Variants in ISY1 observed in about 807,000 individuals in gnomAD.
The protein encoded by ISY1 is pre-mRNA-splicing factor ISY1 homolog.
In ISY1, 12 loss-of-function variants were observed where a neutral mutation model predicts 54.4. The observed-to-expected ratio is 0.22, with a 90% CI of 0.14 to 0.36. The LOEUF (loss-of-function observed/expected upper bound fraction) is 0.36, where lower values mean the gene tolerates loss of function less well. Among genes scored for constraint, ISY1 ranks in the 10% least tolerant of loss-of-function variants. The pLI, the probability that ISY1 is intolerant of heterozygous loss-of-function variation, is 1.00. For missense variants in ISY1, 282 were observed against 342.2 expected (o/e 0.82, Z 1.39); for synonymous variants, 96 against 117.9 (o/e 0.81, Z 1.20).
At chr3:129,154,606 A>G (rs1243484691) in intron 5 of ISY1, among the ~76,000 whole-genome samples, 2 of 151,868 alleles carry the variant, frequency 1.3e-5, no homozygotes, top group African/African-American at 4.8e-5. Flanking sequence ...TTCTATAGTA[A>G]TATTCCCAAT....
chr3:129,138,349 A>G (rs562245887), intron 7 of ISY1, among the ~76,000 whole-genome samples: 120 of 151,624 alleles, frequency 7.9e-4, no homozygotes, highest in Non-Finnish European at 1.0e-4. Flanking sequence ...AAAAATACAA[A>G]TTAGTACTGG....
At chr3:129,130,696 C>T in intron 9 of ISY1, 60 bp from the exon 10 acceptor site, 2 of 1,573,774 alleles carry the variant, frequency 1.3e-6, no homozygotes, top group South Asian at 1.1e-5. Flanking sequence ...ATGCTGGCAA[C>T]TCTATAAAAC....
intron 1 of ISY1, 144 bp downstream of exon 1, chr3:129,160,829 G>A: frequency 9.5e-7 from 1 of 1,057,792 alleles, no homozygotes; most frequent in Middle Eastern, 3.0e-4. Context: ...GAGGCAGGAA[G>A]AGAATCCCCT....
intron 5 of ISY1, among the ~76,000 whole-genome samples, chr3:129,156,013 G>GC: frequency 1.3e-5 from 2 of 152,110 alleles, no homozygotes; most frequent in East Asian, 3.9e-4. Flanking sequence ...GAGCTACTGC[G>GC]CCCGGCCTCA....
intron 7 of ISY1, 104 bp from the exon 8 acceptor site, chr3:129,135,058 G>A: frequency 1.4e-6 from 2 of 1,406,010 alleles, no homozygotes; most frequent in Non-Finnish European, 1.9e-6. Context: ...GTATGTTCAT[G>A]AAAATACCAG....
rs1444577489 is a variant in ISY1 at position 129,149,576 on chromosome 3, G to A, written c.188-3703C>T. Among the ~76,000 whole-genome samples, 5 of 84,698 alleles carry A rather than the reference G, an allele frequency of 5.9e-5. No individual in the cohort carries two copies. In the East Asian group the frequency reaches 1.1e-3, roughly 19 times the overall value. 55.6% of individuals were successfully genotyped at this position (84,698 alleles called of 152,430 possible). A position where few individuals can be genotyped will look rare whatever the true frequency, so the allele number is the denominator to read the frequency against. ...ATCCTGGCTAACACAGTGAAACCCCGTCTCTACTAAAAAAAAAAAAAAAAA... is the reference window on the plus strand; with the variant it reads ...ATCCTGGCTAACACAGTGAAACCCCATCTCTACTAAAAAAAAAAAAAAAAA... On this transcript the variant is annotated intron_variant, in intron 5 of 10. Coordinates refer to ENST00000393295, the MANE Select transcript of ISY1 (RefSeq NM_020701.4).
intron 6 of ISY1, among the ~76,000 whole-genome samples, chr3:129,141,932 C>A (rs563838784): frequency 1.3e-5 from 2 of 151,818 alleles, no homozygotes; most frequent in Non-Finnish European, 2.9e-5. Flanking sequence ...TTGCTGGGTG[C>A]GGTGGCTCAC....
rs1013068131 is a variant in ISY1, at chr3:129,161,006, C to A, written c.-31G>T. 18 of 1,539,192 alleles carry A rather than the reference C, an allele frequency of 1.2e-5. No homozygotes were observed. In the Admixed American group the frequency reaches 1.2e-4, roughly 10 times the overall value. ...CGCTAAGGGCGCCGTCCTGGAGCCC[C>A]GCGGCCCCTGTCCAAGAAACTCCAC... On this transcript the variant is annotated 5_prime_UTR_variant, in exon 1 of 11. Transcript: ENST00000393295.
rs1455128861 is a variant in ISY1, at chr3:129,130,179, C to T, written c.760G>A (p.Ala254Thr). The T allele has an allele frequency of 1.2e-6, 2 of 1,607,206 alleles. No homozygotes were observed. Among genetic ancestry groups the T allele is most frequent in the South Asian group, 1.1e-5 (1 of 90,050 alleles). Residue 254 changes from alanine to threonine, a missense_variant, in exon 11 of 11, where the codon GCA (alanine) becomes ACA (threonine). Around this residue, in one of 2 missense-constraint regions of ISY1, gnomAD observed 279 missense variants for 323.6 expected, o/e 0.86. Coordinates refer to ENST00000393295, the MANE Select transcript of ISY1 (RefSeq NM_020701.4). ...TCCATTTTCTTCCTTCGCACCAGTGCCTCCTCAATCTGTGGAAATTAAGAG... is the reference window on the plus strand; with the variant it reads ...TCCATTTTCTTCCTTCGCACCAGTGTCTCCTCAATCTGTGGAAATTAAGAG... Reference protein sequence around the residue: ...PVPSQQEIEEALVRRKKMELL... With the variant: ...PVPSQQEIEETLVRRKKMELL...
Position 129,130,018 on chromosome 3 carries a change from A to T in ISY1, c.*63T>A. 1 of 1,308,804 alleles carries T rather than the reference A, an allele frequency of 7.6e-7. No homozygotes were observed. Among genetic ancestry groups the T allele is most frequent in the Non-Finnish European group, 1.0e-6 (1 of 954,616 alleles). 81.1% of individuals were successfully genotyped at this position (1,308,804 alleles called of 1,614,324 possible). A position where few individuals can be genotyped will look rare whatever the true frequency, so the allele number is the denominator to read the frequency against. On this transcript the variant is annotated 3_prime_UTR_variant, in exon 11 of 11. Transcript: ENST00000393295. ...CCTTGCAGCACCAGCCTGTGTCTGC[A>T]GCCCTGGGTCCTGAGGTACCACTGG...
At chr3:129,146,492 G>A (rs905549605) in intron 5 of ISY1, among the ~76,000 whole-genome samples, 75 of 152,182 alleles carry the variant, frequency 4.9e-4, no homozygotes, top group African/African-American at 1.8e-3. Context: ...TTTTGAAAGG[G>A]ACAATTTGCA....
rs1027319343 is a variant in ISY1 at position 129,159,067 on chromosome 3, G to T, written c.26+87C>A. 6 of 1,520,264 alleles carry T rather than the reference G, an allele frequency of 3.9e-6. No individual in the cohort carries two copies. The African/African-American group carries it at 8.4e-5, about 21-fold the overall frequency. The allele number at this position is 1,520,264 out of a possible 1,614,324, so 94.2% of individuals were successfully genotyped here. A position where few individuals can be genotyped will look rare whatever the true frequency, so the allele number is the denominator to read the frequency against. On this transcript the variant is annotated intron_variant, in intron 2 of 10. Coordinates refer to ENST00000393295, the MANE Select transcript of ISY1 (RefSeq NM_020701.4). ...AAGAAACAGCTTCTCAAAAGGCTCA[G>T]ATACCAAAAAGAGGAAATACACAAA...
intron 5 of ISY1, among the ~76,000 whole-genome samples, chr3:129,149,846 C>T (rs1208714345): frequency 3.4e-5 from 5 of 147,730 alleles, no homozygotes; most frequent in Admixed American, 1.4e-4. Context: ...TGGTGGCATG[C>T]GTCTGCAGTC....
chr3:129,156,169 C>A (rs536689560), intron 5 of ISY1, among the ~76,000 whole-genome samples: 3 of 151,906 alleles, frequency 2.0e-5, no homozygotes, highest in East Asian at 1.9e-4. Flanking sequence ...GAGGCTGAGG[C>A]GGGCGAATTG....
At position 129,158,529 on chromosome 3, in the gene ISY1, C is replaced by A; in HGVS notation, c.57G>T (p.Gln19His). 1.2e-6 allele frequency: 2 copies of A among 1,614,032 alleles called. No individual in the cohort carries two copies. The highest frequency in any genetic ancestry group is 1.7e-6 in the Non-Finnish European group (2 of 1,180,024). The change falls in exon 3 of 11, where the codon CAG becomes CAT. Residue 19 changes from glutamine (Q) to histidine (H), a missense_variant. Coordinates refer to ENST00000393295, the MANE Select transcript of ISY1 (RefSeq NM_020701.4). Reference protein sequence around the residue: ...MTALARFRQAQLEEGKVKERR... With the variant: ...MTALARFRQAHLEEGKVKERR... Reference sequence around the variant, plus strand: ...CAACCTTCACTTTTCCCTCTTCCAGCTGAGCCTGGCGAAATCTTGCTAAGG... The same window carrying A: ...CAACCTTCACTTTTCCCTCTTCCAGATGAGCCTGGCGAAATCTTGCTAAGG...
chr3:129,138,417 C>G (rs1287618696), intron 7 of ISY1, among the ~76,000 whole-genome samples: 1 of 151,638 alleles, frequency 6.6e-6, no homozygotes, highest in African/African-American at 2.4e-5. Flanking sequence ...AGGTGGATCA[C>G]GAGGTCAGGA....
Position 129,130,646 on chromosome 3 carries a change from GAACA to G in ISY1, c.664-14_664-11del. The G allele has an allele frequency of 6.2e-7, 1 of 1,613,612 alleles. No homozygotes were observed. The highest frequency in any genetic ancestry group is 2.2e-5 in the East Asian group (1 of 44,852). ...TGCCTTCCTCGTCCGACTACAAACA[GAACA>G]AACGAAAGTCCATCAGTAGGCGCCC... On this transcript the variant is annotated splice_polypyrimidine_tract_variant and intron_variant, in intron 9 of 10. Transcript: ENST00000393295.
chr3:129,130,333 C>G (rs1030585197), intron 10 of ISY1, 145 bp from the exon 11 acceptor site: 8 of 1,283,660 alleles, frequency 6.2e-6, no homozygotes, highest in African/African-American at 1.5e-5. Flanking sequence ...GTCCTAACTC[C>G]CTCCCATTGG....
At chr3:129,154,163 AC>A (rs1351491508) in intron 5 of ISY1, among the ~76,000 whole-genome samples, 1 of 147,924 alleles carries the variant, frequency 6.8e-6, no homozygotes, top group East Asian at 2.0e-4. Context: ...AATGGCGTGA[AC>A]CCCGGGGGGC....
Sources: gnomAD v4.1 joint callset for allele counts (sites outside exome capture counted in the v4.1 genomes callset) on GRCh38, gnomAD v4.1.1 for gene constraint, gnomAD v4.1.1 regional missense constraint, MANE v1.5 for transcripts, NCBI Gene and HGNC (gene_info 2026-07-23, HGNC 2026-07-21) for gene names.